Variants in LZIC observed in about 807,000 individuals in gnomAD.
The protein encoded by LZIC is protein LZIC.
LZIC carries 28 observed loss-of-function variants against 25.4 expected under a neutral mutation model. The observed-to-expected ratio is 1.10, with a 90% CI of 0.82 to 1.51. The LOEUF (loss-of-function observed/expected upper bound fraction) is 1.51, where lower values mean the gene tolerates loss of function less well. Ranked by LOEUF, LZIC falls within the 40% of genes most tolerant of loss-of-function variation. The pLI, the probability that LZIC is intolerant of heterozygous loss-of-function variation, is 0.00. For synonymous variants in LZIC, 65 were observed against 70.7 expected (o/e 0.92, Z 0.40); for missense variants, 170 against 211.1 (o/e 0.81, Z 1.21).
downstream of LZIC, chr1:9,922,332 G>C (rs1383764810): frequency 1.0e-6 from 1 of 985,274 alleles, no homozygotes; most frequent in Non-Finnish European, 1.2e-6. Flanking sequence ...GAGTCTAGCA[G>C]GTAGTTCATG....
intron 2 of LZIC, among the ~76,000 whole-genome samples, chr1:9,939,697 T>C (rs893107207): frequency 2.0e-5 from 3 of 152,200 alleles, no homozygotes; most frequent in Admixed American, 1.3e-4. Context: ...GCTTTATCAC[T>C]GATATATCTC....
downstream of LZIC, among the ~76,000 whole-genome samples, chr1:9,922,831 G>A (rs926669913): frequency 1.6e-4 from 25 of 152,128 alleles, no homozygotes; most frequent in African/African-American, 6.0e-4. Context: ...GAAACATATA[G>A]AAGCAGCATG....
At chr1:9,930,929 G>A (rs962771511) in intron 7 of LZIC, among the ~76,000 whole-genome samples, 1 of 151,892 alleles carries the variant, frequency 6.6e-6, no homozygotes, top group African/African-American at 2.4e-5. Context: ...CTGTTGGCCG[G>A]GCTGGTCTCG....
chr1:9,935,370 G>A (rs901479382), intron 4 of LZIC, 122 bp downstream of exon 4: 9 of 995,868 alleles, frequency 9.0e-6, no homozygotes, highest in Non-Finnish European at 2.9e-6. Context: ...GGAGGTTGCA[G>A]TGAGCCAAGA....
Position 9,928,588 on chromosome 1 carries a change from T to G in LZIC, c.*1811A>C, listed in dbSNP as rs184781895. On this transcript the variant is annotated 3_prime_UTR_variant, in exon 8 of 8. Transcript: ENST00000377223. ...ATAATGTTGGTTAAACTTGAAAATATGATGATGTCCCGGTGTGGTAGCTCA... is the reference window on the plus strand; with the variant it reads ...ATAATGTTGGTTAAACTTGAAAATAGGATGATGTCCCGGTGTGGTAGCTCA... Among the ~76,000 whole-genome samples the G allele has an allele frequency of 1.4e-4, 21 of 152,202 alleles. No homozygotes were observed. The East Asian group carries it at 1.5e-3, about 11-fold the overall frequency.
downstream of LZIC, among the ~76,000 whole-genome samples, chr1:9,924,437 C>A (rs1180444348): frequency 2.0e-5 from 3 of 152,016 alleles, no homozygotes; most frequent in Admixed American, 1.3e-4. Flanking sequence ...TCACTGCAAC[C>A]TCCGCCTCCC....
At chr1:9,935,689 T>G in intron 3 of LZIC, 62 bp from the exon 4 acceptor site, 4 of 1,416,286 alleles carry the variant, frequency 2.8e-6, no homozygotes, top group Non-Finnish European at 3.8e-6. Context: ...AATGCAATCT[T>G]AATACTTGTA....
At chr1:9,941,889 T>C (rs1433159580) in intron 2 of LZIC, among the ~76,000 whole-genome samples, 2 of 152,172 alleles carry the variant, frequency 1.3e-5, no homozygotes, top group African/African-American at 4.8e-5. Context: ...TGAGAATTGA[T>C]TGCTTCTTCT....
At chr1:9,933,527 T>C (rs1640327531) in intron 5 of LZIC, among the ~76,000 whole-genome samples, 1 of 152,058 alleles carries the variant, frequency 6.6e-6, no homozygotes, top group African/African-American at 2.4e-5. Context: ...CTTCATTTAA[T>C]CCTCATAAGA....
chr1:9,936,475 A>T, intron 3 of LZIC, 44 bp downstream of exon 3: 1 of 1,397,338 alleles, frequency 7.2e-7, no homozygotes, highest in East Asian at 2.3e-5. Context: ...AGCTGCAGAA[A>T]AAACGCCAGT....
chr1:9,930,963 C>T (rs746338995), intron 7 of LZIC, among the ~76,000 whole-genome samples: 3 of 152,048 alleles, frequency 2.0e-5, no homozygotes, highest in Non-Finnish European at 4.4e-5. Flanking sequence ...AGGTGATCCA[C>T]CCACTTCAGC....
chr1:9,935,671 A>G (rs1321522593), intron 3 of LZIC, 44 bp from the exon 4 acceptor site: 1 of 1,544,396 alleles, frequency 6.5e-7, no homozygotes, highest in Admixed American at 2.1e-5. Context: ...GAAGAGTTCC[A>G]AGTGAAAAAT....
chr1:9,929,009 T>C lies in LZIC; in HGVS notation c.*1390A>G, dbSNP rs1473751044. On this transcript the variant is annotated 3_prime_UTR_variant, in exon 8 of 8. Transcript: ENST00000377223. Reference sequence around the variant, plus strand: ...CAGAGACAGGGTGCAGATTAGTGGCTATTGTTAGCAGTCGGAGGAGAAGGG... The same window carrying C: ...CAGAGACAGGGTGCAGATTAGTGGCCATTGTTAGCAGTCGGAGGAGAAGGG... 1 of 152,176 alleles carries C rather than the reference T, an allele frequency of 6.6e-6. No individual in the cohort carries two copies. The highest frequency in any genetic ancestry group is 1.5e-5 in the Non-Finnish European group (1 of 68,094). The allele number at this position is 152,176 out of a possible 1,614,324, so 9.4% of individuals were successfully genotyped here.
rs1286936977 is a variant in LZIC, at chr1:9,929,847, C to T, written c.*552G>A. On this transcript the variant is annotated 3_prime_UTR_variant, in exon 8 of 8. Coordinates refer to ENST00000377223, the MANE Select transcript of LZIC (RefSeq NM_032368.5). ...AAAGATACTAAACTGGGAGTCAGGACACCTGAGTCTTACCCTCAGCTCTCT... is the reference window on the plus strand; with the variant it reads ...AAAGATACTAAACTGGGAGTCAGGATACCTGAGTCTTACCCTCAGCTCTCT... The T allele has an allele frequency of 2.0e-6, 2 of 979,668 alleles. No homozygotes were observed. The highest frequency in any genetic ancestry group is 3.5e-5 in the African/African-American group (2 of 57,098). The allele number at this position is 979,668 out of a possible 1,614,324, so 60.7% of individuals were successfully genotyped here.
At chr1:9,925,967 C>T (rs1333203044), downstream of LZIC, among the ~76,000 whole-genome samples, 3 of 138,730 alleles carry the variant, frequency 2.2e-5, no homozygotes, top group African/African-American at 8.1e-5. Flanking sequence ...AATCTCGGCT[C>T]ACTGCAAGCT....
downstream of LZIC, chr1:9,922,187 T>G (rs929297170): frequency 5.3e-6 from 3 of 569,816 alleles, no homozygotes; most frequent in African/African-American, 6.1e-5. Context: ...AGCGCTTACA[T>G]CATATTCTTG....
intron 5 of LZIC, among the ~76,000 whole-genome samples, chr1:9,934,100 C>A (rs1640352889): frequency 6.6e-6 from 1 of 151,654 alleles, no homozygotes; most frequent in Non-Finnish European, 1.5e-5. Context: ...GTGGCATGTG[C>A]CTGCTGTAGT....
downstream of LZIC, among the ~76,000 whole-genome samples, chr1:9,925,886 C>CTTTTTTTTTTTTTTTT (rs70998325): frequency 2.3e-5 from 1 of 43,472 alleles, no homozygotes; most frequent in Non-Finnish European, 4.4e-5. Flanking sequence ...CCACTCATGC[C>CTTTTTTTTTTTTTTTT]TTTTTTTTTT....
intron 7 of LZIC, among the ~76,000 whole-genome samples, chr1:9,931,215 T>C (rs1340890179): frequency 1.3e-5 from 2 of 152,016 alleles, no homozygotes; most frequent in Non-Finnish European, 2.9e-5. Flanking sequence ...TGTAAGTGCA[T>C]GCCACCACAC....
Sources: gnomAD v4.1 joint callset for allele counts (sites outside exome capture counted in the v4.1 genomes callset) on GRCh38, gnomAD v4.1.1 for gene constraint, MANE v1.5 for transcripts, NCBI Gene and HGNC (gene_info 2026-07-23, HGNC 2026-07-21) for gene names.